The following CSMD3 variants were observed in gnomAD, a reference collection of about 807,000 sequenced individuals.
CSMD3 encodes the protein CUB and Sushi multiple domains 3.
In CSMD3, 177 loss-of-function variants were observed where a neutral mutation model predicts 435.2. That is an observed-to-expected ratio of 0.41 (90% CI 0.36 to 0.46). The LOEUF is 0.46. CSMD3 is among the 20% of genes least tolerant of loss of function. The pLI is 0.34. For missense variants in CSMD3, 4,265 were observed against 4,504.6 expected (o/e 0.95, Z 1.52); for synonymous variants, 1,656 against 1,520.5 (o/e 1.09, Z -2.07).
At chr8:113,059,620 A>C (rs1223670346) in intron 5 of CSMD3, among the ~76,000 whole-genome samples, 2 of 152,196 alleles carry the variant, frequency 1.3e-5, no homozygotes, top group Non-Finnish European at 2.9e-5. Context: ...AGTGGCTTAA[A>C]TGTTGAAAAA....
intron 21 of CSMD3, among the ~76,000 whole-genome samples, chr8:112,637,268 T>C (rs1385514468): frequency 6.6e-6 from 1 of 152,094 alleles, no homozygotes; most frequent in African/African-American, 2.4e-5. Flanking sequence ...AATTAAAAAA[T>C]AGCTATTTAT....
intron 13 of CSMD3, among the ~76,000 whole-genome samples, chr8:112,782,068 G>C (rs559534408): frequency 1.3e-5 from 2 of 152,124 alleles, no homozygotes; most frequent in South Asian, 2.1e-4. Context: ...AGACCATTCA[G>C]GAAAACATCA....
chr8:112,679,344 C>A (rs1011251515), intron 16 of CSMD3, among the ~76,000 whole-genome samples: 3 of 152,076 alleles, frequency 2.0e-5, no homozygotes, highest in African/African-American at 7.2e-5. Context: ...CCTAAGATTG[C>A]TTCTGGCCCA....
intron 32 of CSMD3, among the ~76,000 whole-genome samples, chr8:112,464,387 A>T (rs1221714669): frequency 6.6e-6 from 1 of 152,168 alleles, no homozygotes; most frequent in East Asian, 1.9e-4. Flanking sequence ...AAATAAACCC[A>T]GAGTTCTTAA....
At chr8:112,247,159 A>C (rs1563684545) in intron 63 of CSMD3, 28 bp from the exon 64 acceptor site, 2 of 1,398,480 alleles carry the variant, frequency 1.4e-6, no homozygotes, top group Admixed American at 3.4e-5. Flanking sequence ...GAGGAAAAAA[A>C]TATTCCCCTA....
chr8:112,856,886 A>G (rs2080676458), intron 11 of CSMD3, among the ~76,000 whole-genome samples: 1 of 151,840 alleles, frequency 6.6e-6, no homozygotes, highest in South Asian at 2.1e-4. Flanking sequence ...TCCTTCTGAA[A>G]AGGGTTCCAA....
In CSMD3 at chr8:112,492,575, T is replaced by C; in HGVS notation, c.5192A>G (p.Tyr1731Cys). ...STVTYYCDAG[Y>C]VLQGYSTLTC... ...GAGTGTTGAATAACCTTGAAGAACA[T>C]AACCAGCATCACAGTAATAGGTGAC... The change falls in exon 31 of 71, where the codon TAT becomes TGT. Residue 1731 changes from tyrosine (Y) to cysteine (C), a missense_variant. Coordinates refer to ENST00000297405, the MANE Select transcript of CSMD3 (RefSeq NM_198123.2). 6.2e-7 allele frequency: 1 copy of C among 1,613,786 alleles called. No homozygotes were observed. Among genetic ancestry groups the C allele is most frequent in the Non-Finnish European group, 8.5e-7 (1 of 1,179,716 alleles).
intron 22 of CSMD3, among the ~76,000 whole-genome samples, chr8:112,590,425 A>G (rs1831085327): frequency 6.6e-6 from 1 of 152,042 alleles, no homozygotes; most frequent in South Asian, 2.1e-4. Context: ...GGAACATTAT[A>G]TCTAAAAACA....
At chr8:113,286,283 T>G (rs1447264515) in intron 2 of CSMD3, among the ~76,000 whole-genome samples, 1 of 152,288 alleles carries the variant, frequency 6.6e-6, no homozygotes, top group Non-Finnish European at 1.5e-5. Flanking sequence ...ATGATAACGA[T>G]ATTTTATACT....
At chr8:112,698,489 A>T (rs1254565177) in intron 13 of CSMD3, among the ~76,000 whole-genome samples, 1 of 152,066 alleles carries the variant, frequency 6.6e-6, no homozygotes, top group Non-Finnish European at 1.5e-5. Context: ...TTCTTCACTA[A>T]AGGGAACCAG....
chr8:113,002,820 A>G (rs2085913567), intron 6 of CSMD3, among the ~76,000 whole-genome samples: 1 of 152,186 alleles, frequency 6.6e-6, no homozygotes, highest in African/African-American at 2.4e-5. Context: ...ATCTAACACA[A>G]TTGACCTTTG....
chr8:112,698,942 T>G (rs2076319915), intron 13 of CSMD3, among the ~76,000 whole-genome samples: 1 of 152,060 alleles, frequency 6.6e-6, no homozygotes, highest in African/African-American at 2.4e-5. Flanking sequence ...CAATCAGCGC[T>G]CCTTGTCTAG....
rs189225202 is a variant in CSMD3 at position 113,108,904 on chromosome 8, C to T, written c.710-9941G>A. Among the ~76,000 whole-genome samples, 570 of 152,242 alleles carry T rather than the reference C, an allele frequency of 3.7e-3. 6 individuals are homozygous for T. Among genetic ancestry groups the T allele is most frequent in the Non-Finnish European group, 5.5e-3 (372 of 68,018 alleles). ...CTTTAGAATAGTCACAATCAAAATA[C>T]TGGCAAATGTGCATGTGTAAATTGA... On this transcript the variant is annotated intron_variant, in intron 4 of 70. Transcript: ENST00000297405.
At chr8:113,121,053 C>G (rs1339919044) in intron 4 of CSMD3, among the ~76,000 whole-genome samples, 1 of 152,048 alleles carries the variant, frequency 6.6e-6, no homozygotes, top group African/African-American at 2.4e-5. Flanking sequence ...TCCGTGGGCT[C>G]TTTTATACAG....
At chr8:112,876,141 T>A (rs1466723613) in intron 10 of CSMD3, among the ~76,000 whole-genome samples, 1 of 152,082 alleles carries the variant, frequency 6.6e-6, no homozygotes, top group Non-Finnish European at 1.5e-5. Context: ...AGAAGTTGAA[T>A]CCCTGAATAG....
intron 12 of CSMD3, among the ~76,000 whole-genome samples, chr8:112,806,624 T>C (rs529108939): frequency 3.9e-5 from 6 of 152,254 alleles, no homozygotes; most frequent in African/African-American, 1.2e-4. Flanking sequence ...CCTGATCAAA[T>C]AGATGATCAT....
intron 13 of CSMD3, among the ~76,000 whole-genome samples, chr8:112,754,514 G>T (rs761653287): frequency 4.6e-5 from 7 of 152,024 alleles, no homozygotes; most frequent in Non-Finnish European, 1.0e-4. Context: ...TTCAAAAAGG[G>T]TTCTAACAGG....
At chr8:113,431,394 TC>T (rs2094672100) in intron 1 of CSMD3, among the ~76,000 whole-genome samples, 1 of 152,238 alleles carries the variant, frequency 6.6e-6, no homozygotes, top group African/African-American at 2.4e-5. Context: ...ACACATTTTT[TC>T]TTAATCTGTC....
chr8:113,360,061 G>T (rs776682606), intron 1 of CSMD3, among the ~76,000 whole-genome samples: 84 of 152,228 alleles, frequency 5.5e-4, no homozygotes, highest in Non-Finnish European at 1.0e-3. Flanking sequence ...TGTAAAATTT[G>T]CCTCTAGAAA....
Sources: allele counts gnomAD v4.1 joint callset (sites outside exome capture counted in the v4.1 genomes callset), GRCh38; gene constraint gnomAD v4.1.1; transcripts MANE v1.5; gene names NCBI Gene and HGNC (gene_info 2026-07-23, HGNC 2026-07-21).